The following KLHL3 variants were observed in gnomAD, a reference collection of about 807,000 sequenced individuals.
KLHL3 encodes kelch like family member 3.
A neutral mutation model predicts 70.5 loss-of-function variants in KLHL3; 19 were observed. The ratio of observed to expected loss-of-function variants is 0.27; its 90% CI spans 0.19 to 0.40. The LOEUF is 0.40. Ranked by LOEUF, KLHL3 falls within the 10% of genes least tolerant of loss-of-function variation. The pLI, the probability that KLHL3 is intolerant of heterozygous loss-of-function variation, is 1.00. For missense variants in KLHL3, 512 were observed against 771.1 expected (o/e 0.66, Z 3.98); for synonymous variants, 258 against 290.3 (o/e 0.89, Z 1.13).
intron 8 of KLHL3, among the ~76,000 whole-genome samples, chr5:137,650,737 G>A (rs974814761): frequency 6.6e-6 from 1 of 151,444 alleles, no homozygotes; most frequent in East Asian, 1.9e-4. Flanking sequence ...CAGGAGAATC[G>A]CTTGAACCCA....
chr5:137,669,293 C>A (rs532304044), intron 6 of KLHL3, among the ~76,000 whole-genome samples: 9 of 152,118 alleles, frequency 5.9e-5, no homozygotes, highest in Non-Finnish European at 1.3e-4. Flanking sequence ...AATATAAGTT[C>A]TGCAAAGGCA....
chr5:137,643,916 T>G (rs891535003), intron 8 of KLHL3, among the ~76,000 whole-genome samples: 1 of 152,024 alleles, frequency 6.6e-6, no homozygotes, highest in African/African-American at 2.4e-5. Flanking sequence ...TGATAACCAC[T>G]ATTCAGCTCT....
intron 6 of KLHL3, among the ~76,000 whole-genome samples, chr5:137,676,841 G>A (rs1161346955): frequency 2.0e-5 from 3 of 152,136 alleles, no homozygotes; most frequent in East Asian, 1.9e-4. Context: ...TACATCTACT[G>A]GCATAAAGAA....
chr5:137,712,765 C>A (rs1191221554), intron 2 of KLHL3, among the ~76,000 whole-genome samples: 1 of 152,140 alleles, frequency 6.6e-6, no homozygotes, highest in Admixed American at 6.5e-5. Context: ...ATCAAACTCA[C>A]CTGAGTTCAA....
intron 8 of KLHL3, among the ~76,000 whole-genome samples, chr5:137,650,303 C>T (rs72800065): frequency 0.18 from 26,984 of 152,150 alleles, 3,108 homozygotes; most frequent in Non-Finnish European, 0.24. Flanking sequence ...TTCCTTAACT[C>T]CTTACCCCTC....
chr5:137,735,583 A>G, intron 1 of KLHL3, 50 bp downstream of exon 1: 1 of 1,417,742 alleles, frequency 7.1e-7, no homozygotes. Flanking sequence ...CCGCAAGCAC[A>G]CATACACTTA....
intron 6 of KLHL3, among the ~76,000 whole-genome samples, chr5:137,667,643 C>T (rs1452114589): frequency 2.0e-5 from 3 of 152,118 alleles, no homozygotes; most frequent in Non-Finnish European, 2.9e-5. Context: ...ATGAGGAGTC[C>T]TGGGGTACTT....
At chr5:137,627,295 T>G (rs1386943901) in intron 13 of KLHL3, among the ~76,000 whole-genome samples, 1 of 152,162 alleles carries the variant, frequency 6.6e-6, no homozygotes, top group African/African-American at 2.4e-5. Flanking sequence ...TTTTTGTTAT[T>G]AAAAAATAGA....
chr5:137,640,289 T>C (rs1334432229), intron 8 of KLHL3, among the ~76,000 whole-genome samples: 2 of 152,184 alleles, frequency 1.3e-5, no homozygotes, highest in African/African-American at 4.8e-5. Flanking sequence ...AGATTGGGAA[T>C]GGGGGGTGCT....
intron 14 of KLHL3, among the ~76,000 whole-genome samples, chr5:137,625,427 T>C (rs1208040131): frequency 6.6e-6 from 1 of 152,244 alleles, no homozygotes; most frequent in South Asian, 2.1e-4. Context: ...AAACCAGGAA[T>C]GGCAATGAAA....
rs146938520 is a variant in KLHL3, at chr5:137,699,203, C to T, written c.242-795G>A. Among the ~76,000 whole-genome samples the T allele has an allele frequency of 2.6e-4, 40 of 152,264 alleles. No homozygotes were observed. In the East Asian group the frequency reaches 6.9e-3, roughly 26 times the overall value. On this transcript the variant is annotated intron_variant, in intron 3 of 14. Transcript: ENST00000309755. ...TGAGAGAGGTATTAGAGGATGAGGACGAGTTCTACAGGCAGCAAAGGTGAG... is the reference window on the plus strand; with the variant it reads ...TGAGAGAGGTATTAGAGGATGAGGATGAGTTCTACAGGCAGCAAAGGTGAG...
At chr5:137,650,693 G>T (rs1751177786) in intron 8 of KLHL3, among the ~76,000 whole-genome samples, 1 of 151,904 alleles carries the variant, frequency 6.6e-6, no homozygotes, top group Admixed American at 6.6e-5. Context: ...ATGGTGGCAG[G>T]CGCCTGTAAT....
chr5:137,640,027 T>A, intron 8 of KLHL3, 50 bp from the exon 9 acceptor site: 2 of 1,484,480 alleles, frequency 1.3e-6, no homozygotes, highest in Middle Eastern at 1.7e-4. Flanking sequence ...AATCTGGATT[T>A]ATGGTATCCC....
chr5:137,660,611 T>C (rs1045617984), intron 7 of KLHL3: 6 of 152,178 alleles, frequency 3.9e-5, no homozygotes, highest in Non-Finnish European at 7.3e-5. Context: ...AGTACGGCGA[T>C]TCAGGGAACA....
chr5:137,629,104 G>A (rs529415074), intron 12 of KLHL3: 7 of 152,164 alleles, frequency 4.6e-5, no homozygotes, highest in Admixed American at 1.3e-4. Flanking sequence ...ATCACTCACC[G>A]TGTTGATCAG....
At chr5:137,679,316 C>T (rs1189151964) in intron 5 of KLHL3, among the ~76,000 whole-genome samples, 1 of 152,012 alleles carries the variant, frequency 6.6e-6, no homozygotes. Flanking sequence ...GCCACCACAC[C>T]ATGAGCAAGC....
In KLHL3 at chr5:137,692,340, T is replaced by G. The variant is rs2905608; in HGVS notation, c.471A>C (p.Ala157=). The G allele has an allele frequency of 6.2e-7, 1 of 1,613,074 alleles. No homozygotes were observed. Among genetic ancestry groups the G allele is most frequent in the African/African-American group, 1.3e-5 (1 of 74,884 alleles). The change falls in exon 5 of 15, where the codon GCA becomes GCC. Residue 157 remains alanine, a synonymous_variant. Coordinates refer to ENST00000309755, the MANE Select transcript of KLHL3 (RefSeq NM_017415.3). ...CAGTGCAGGTGTGTACATCTGCAAA[T>G]GCACGGATGCCCAGGCAATTGGTGG... is the stretch of plus-strand genomic sequence containing the variant. ...LHPTNCLGIR[A]FADVHTCTDL...
Position 137,625,819 on chromosome 5 carries a change from AG to A in KLHL3, c.1668del (p.Tyr557ThrfsTer15). ...DGSCNLASVE[Y>X]YNPVTDKWTL... Reference sequence around the variant, plus strand: ...GTCCATTTGTCAGTGACAGGATTGTAGTACTCCACCGAAGCCAAGTTGCAGG... The same window carrying A: ...GTCCATTTGTCAGTGACAGGATTGTATACTCCACCGAAGCCAAGTTGCAGG... On this transcript the variant is annotated frameshift_variant, in exon 14 of 15. Coordinates refer to ENST00000309755, the MANE Select transcript of KLHL3 (RefSeq NM_017415.3). LOFTEE classifies it high-confidence loss of function. The A allele has an allele frequency of 6.2e-7, 1 of 1,614,186 alleles. No individual in the cohort carries two copies. The highest frequency in any genetic ancestry group is 8.5e-7 in the Non-Finnish European group (1 of 1,180,036).
At chr5:137,714,829 A>C (rs948761996) in intron 2 of KLHL3, among the ~76,000 whole-genome samples, 2 of 152,256 alleles carry the variant, frequency 1.3e-5, no homozygotes, top group African/African-American at 4.8e-5. Flanking sequence ...AAAAACAGAA[A>C]GCAATATGCT....
Sources: allele counts gnomAD v4.1 joint callset (sites outside exome capture counted in the v4.1 genomes callset), GRCh38; gene constraint gnomAD v4.1.1; transcripts MANE v1.5; gene names NCBI Gene and HGNC (gene_info 2026-07-23, HGNC 2026-07-21).